Variants in FHIT observed in about 807,000 individuals in gnomAD.
The protein encoded by FHIT is fragile histidine triad diadenosine triphosphatase.
Under a neutral mutation model 17.9 loss-of-function variants are expected in FHIT, and 19 were observed. The ratio of observed to expected loss-of-function variants is 1.06; its 90% CI spans 0.74 to 1.56. The LOEUF (loss-of-function observed/expected upper bound fraction) is 1.56. Among genes scored for constraint, FHIT ranks in the 40% most tolerant of loss-of-function variants. The pLI is 0.00. For synonymous variants in FHIT, 81 were observed against 69.7 expected, an observed-to-expected ratio of 1.16 and a Z score of -0.81; for missense variants, 248 against 189.2, an observed-to-expected ratio of 1.31 and a Z score of -1.82.
chr3:60,650,130 G>T lies in FHIT; in HGVS notation c.-17-113151C>A, dbSNP rs553592482. On this transcript the variant is annotated intron_variant, in intron 4 of 9. Transcript: ENST00000492590. ...TAAAATACAGTCTGTCTTCTATTTTGGGCTTGTGGTACCTCTGTTGTCTCA... is the reference window on the plus strand; with the variant it reads ...TAAAATACAGTCTGTCTTCTATTTTTGGCTTGTGGTACCTCTGTTGTCTCA... Among the ~76,000 whole-genome samples the T allele has an allele frequency of 2.6e-5, 4 of 152,214 alleles. No homozygotes were observed. In the East Asian group the frequency reaches 7.7e-4, roughly 29 times the overall value.
intron 5 of FHIT, among the ~76,000 whole-genome samples, chr3:60,281,208 C>G (rs752833442): frequency 4.6e-5 from 7 of 151,954 alleles, no homozygotes; most frequent in Non-Finnish European, 8.8e-5. Flanking sequence ...TCTAAATAAA[C>G]GAATAGATAT....
intron 5 of FHIT, among the ~76,000 whole-genome samples, chr3:60,239,313 A>G (rs1185301287): frequency 6.6e-6 from 1 of 152,104 alleles, no homozygotes; most frequent in East Asian, 1.9e-4. Context: ...TAGTCCCACT[A>G]ACTTGATTTG....
intron 4 of FHIT, among the ~76,000 whole-genome samples, chr3:60,708,861 A>G (rs1357504725): frequency 6.6e-6 from 1 of 152,216 alleles, no homozygotes; most frequent in Non-Finnish European, 1.5e-5. Flanking sequence ...TTAATGTGCT[A>G]TTACCAACTG....
intron 5 of FHIT, among the ~76,000 whole-genome samples, chr3:60,160,825 TGACAGA>T (rs1202428997): frequency 1.6e-5 from 2 of 124,958 alleles, no homozygotes; most frequent in African/African-American, 5.6e-5. Flanking sequence ...TGTGTGAGTG[TGACAGA>T]GAGAGAGAGA....
At chr3:60,749,121 T>G (rs2108027105) in intron 4 of FHIT, among the ~76,000 whole-genome samples, 1 of 152,264 alleles carries the variant, frequency 6.6e-6, no homozygotes, top group South Asian at 2.1e-4. Flanking sequence ...TGTAATAATG[T>G]TTGTTCATCC....
intron 5 of FHIT, among the ~76,000 whole-genome samples, chr3:60,103,042 C>A (rs1399669906): frequency 6.6e-6 from 1 of 152,120 alleles, no homozygotes; most frequent in East Asian, 1.9e-4. Context: ...AATTATGAAG[C>A]TTAAGACCCC....
At chr3:60,501,773 T>TTC (rs2034535295) in intron 5 of FHIT, among the ~76,000 whole-genome samples, 1 of 152,252 alleles carries the variant, frequency 6.6e-6, no homozygotes, top group African/African-American at 2.4e-5. Flanking sequence ...AACCACTACT[T>TTC]TCCTCTATTG....
intron 7 of FHIT, among the ~76,000 whole-genome samples, chr3:59,944,824 A>C (rs888379402): frequency 2.6e-5 from 4 of 152,148 alleles, no homozygotes; most frequent in South Asian, 2.1e-4. Context: ...ACTAGCCTTC[A>C]GCTCCATAAA....
chr3:60,086,735 G>T (rs1005932988), intron 5 of FHIT, among the ~76,000 whole-genome samples: 1 of 152,184 alleles, frequency 6.6e-6, no homozygotes, highest in Non-Finnish European at 1.5e-5. Flanking sequence ...TACTGCAAGG[G>T]GTGGGCTCCT....
intron 2 of FHIT, among the ~76,000 whole-genome samples, chr3:61,050,963 A>G (rs1367571351): frequency 6.6e-6 from 1 of 152,210 alleles, no homozygotes; most frequent in East Asian, 1.9e-4. Flanking sequence ...CTTCCGAGCC[A>G]TAGACACCTA....
intron 5 of FHIT, among the ~76,000 whole-genome samples, chr3:60,289,894 C>T (rs1707904125): frequency 1.3e-5 from 2 of 152,140 alleles, no homozygotes; most frequent in Non-Finnish European, 2.9e-5. Flanking sequence ...TTTAGTTATT[C>T]TCTCTGCAGC....
chr3:60,122,486 C>T (rs1015320542), intron 5 of FHIT, among the ~76,000 whole-genome samples: 1 of 152,122 alleles, frequency 6.6e-6, no homozygotes, highest in Non-Finnish European at 1.5e-5. Flanking sequence ...GGAACTCGAA[C>T]AGGAGGTGGT....
At chr3:60,419,083 C>T (rs984514088) in intron 5 of FHIT, among the ~76,000 whole-genome samples, 9 of 152,170 alleles carry the variant, frequency 5.9e-5, no homozygotes, top group African/African-American at 2.2e-4. Flanking sequence ...CAGCAGAGCA[C>T]AGTGGTTTGG....
intron 1 of FHIT, among the ~76,000 whole-genome samples, chr3:61,242,926 G>A (rs2040406641): frequency 6.6e-6 from 1 of 152,210 alleles, no homozygotes. Flanking sequence ...ATCCCTAGGA[G>A]CAACTGGGGA....
intron 5 of FHIT, among the ~76,000 whole-genome samples, chr3:60,371,306 C>T (rs546161945): frequency 3.3e-5 from 5 of 152,222 alleles, no homozygotes; most frequent in African/African-American, 1.2e-4. Flanking sequence ...TATCCACCAC[C>T]TTAAATATTC....
intron 3 of FHIT, among the ~76,000 whole-genome samples, chr3:60,974,916 G>A (rs1478858679): frequency 6.6e-6 from 1 of 152,126 alleles, no homozygotes; most frequent in Non-Finnish European, 1.5e-5. Flanking sequence ...TCCTCACAGA[G>A]CTTAGTTATT....
At chr3:59,909,616 A>T (rs1433716615) in intron 8 of FHIT, among the ~76,000 whole-genome samples, 2 of 152,060 alleles carry the variant, frequency 1.3e-5, no homozygotes, top group Admixed American at 1.3e-4. Flanking sequence ...TTTTTCTAAC[A>T]AGTCAAAGAG....
intron 8 of FHIT, among the ~76,000 whole-genome samples, chr3:59,803,787 C>A (rs1448896072): frequency 6.6e-6 from 1 of 152,052 alleles, no homozygotes; most frequent in Non-Finnish European, 1.5e-5. Context: ...AATAATAAAT[C>A]CCTATTTGCT....
intron 4 of FHIT, among the ~76,000 whole-genome samples, chr3:60,608,808 A>G (rs2038691040): frequency 6.6e-6 from 1 of 152,216 alleles, no homozygotes; most frequent in Non-Finnish European, 1.5e-5. Flanking sequence ...AGAGAGACCT[A>G]GTCATTATCA....
Sources: gnomAD v4.1 joint callset for allele counts (sites outside exome capture counted in the v4.1 genomes callset) on GRCh38, gnomAD v4.1.1 for gene constraint, MANE v1.5 for transcripts, NCBI Gene and HGNC (gene_info 2026-07-23, HGNC 2026-07-21) for gene names.